The following ZNF556 variants were observed in gnomAD, a reference collection of about 807,000 sequenced individuals.
The protein encoded by ZNF556 is zinc finger protein 556.
ZNF556 carries 11 observed loss-of-function variants against 13.6 expected under a neutral mutation model. That is an observed-to-expected ratio of 0.81 (90% CI 0.51 to 1.33). ZNF556 has a LOEUF of 1.33. Among genes scored for constraint, ZNF556 ranks in the 40% most tolerant of loss-of-function variants. The pLI is 0.00. For synonymous variants in ZNF556, 229 were observed against 207.8 expected, an observed-to-expected ratio of 1.10 and a Z score of -0.88; for missense variants, 633 against 566.2, an observed-to-expected ratio of 1.12 and a Z score of -1.20.
chr19:2,871,965 C>CAG (rs545770349), intron 1 of ZNF556, among the ~76,000 whole-genome samples: 2 of 151,932 alleles, frequency 1.3e-5, no homozygotes, highest in East Asian at 1.9e-4. Flanking sequence ...GCAGCCGAGG[C>CAG]AGAGAGAGAG....
At position 2,876,484 on chromosome 19, in the gene ZNF556, C is replaced by T. The variant is rs559393813; in HGVS notation, c.314+208C>T. 6.6e-5 allele frequency among the ~76,000 whole-genome samples: 10 copies of T among 152,244 alleles called. No individual in the cohort carries two copies. In the South Asian group the frequency reaches 2.1e-3, roughly 32 times the overall value. On this transcript the variant is annotated intron_variant, in intron 3 of 3. Coordinates refer to ENST00000307635, the MANE Select transcript of ZNF556 (RefSeq NM_024967.3). ...CCTGTAATCCCAGCACTTTGGGAGG[C>T]CGAGGGAGGCGGATCACCTGGGGTG...
rs572329309 is a variant in ZNF556 at position 2,879,020 on chromosome 19, T to G, written c.*691T>G. On this transcript the variant is annotated 3_prime_UTR_variant, in exon 4 of 4. Coordinates refer to ENST00000307635, the MANE Select transcript of ZNF556 (RefSeq NM_024967.3). ...CATTAGACCAATGAAATATGGGTGT[T>G]TGTTGACATTTTCTGACTGGCCCTG... is the stretch of plus-strand genomic sequence containing the variant. 1 of 152,280 alleles carries G rather than the reference T, an allele frequency of 6.6e-6. No homozygotes were observed. The highest frequency in any genetic ancestry group is 1.9e-4 in the East Asian group (1 of 5,186). The allele number at this position is 152,280 out of a possible 1,614,324, so 9.4% of individuals were successfully genotyped here.
intron 1 of ZNF556, among the ~76,000 whole-genome samples, chr19:2,867,763 C>G (rs1197089433): frequency 7.0e-6 from 1 of 142,606 alleles, no homozygotes; most frequent in African/African-American, 2.6e-5. Flanking sequence ...GGCGGTGCAA[C>G]AGCCCCAAAG....
At chr19:2,869,568 T>C (rs2087785372) in intron 1 of ZNF556, among the ~76,000 whole-genome samples, 1 of 151,990 alleles carries the variant, frequency 6.6e-6, no homozygotes, top group African/African-American at 2.4e-5. Flanking sequence ...GGGTTTCACC[T>C]TGTCAGCCAG....
At position 2,878,534 on chromosome 19, in the gene ZNF556, G is replaced by A. The variant is rs562854564; in HGVS notation, c.*205G>A. 1.7e-4 allele frequency: 73 copies of A among 427,286 alleles called. No homozygotes were observed. Among genetic ancestry groups the A allele is most frequent in the African/African-American group, 1.4e-3 (67 of 48,958 alleles). 26.5% of individuals were successfully genotyped at this position (427,286 alleles called of 1,614,324 possible). A position where few individuals can be genotyped will look rare whatever the true frequency, so the allele number is the denominator to read the frequency against. ...AAAAAAAAATACAAAAAATTAGCCGGGCGTGGTGGCGGGCACCTGTAGTCC... is the reference window on the plus strand; with the variant it reads ...AAAAAAAAATACAAAAAATTAGCCGAGCGTGGTGGCGGGCACCTGTAGTCC... On this transcript the variant is annotated 3_prime_UTR_variant, in exon 4 of 4. Transcript: ENST00000307635.
chr19:2,872,619 T>C (rs1265222975), intron 1 of ZNF556, among the ~76,000 whole-genome samples: 3 of 152,144 alleles, frequency 2.0e-5, no homozygotes, highest in Non-Finnish European at 2.9e-5. Flanking sequence ...TTTATTATAC[T>C]GGAACAGCTC....
In ZNF556 at chr19:2,867,339, G is replaced by GACC. The variant is rs981429022; in HGVS notation, c.-80_-78dup. The GACC allele has an allele frequency of 1.3e-6, 2 of 1,543,780 alleles. No individual in the cohort carries two copies. The highest frequency in any genetic ancestry group is 2.7e-5 in the African/African-American group (2 of 73,428). ...AGAGCACACCCGGCCTGCCCTGAGT[G>GACC]ACCACAGGTGTCCCCGTCGTGCTCA... is the stretch of plus-strand genomic sequence containing the variant. On this transcript the variant is annotated 5_prime_UTR_variant, in exon 1 of 4. Coordinates refer to ENST00000307635, the MANE Select transcript of ZNF556 (RefSeq NM_024967.3).
intron 1 of ZNF556, among the ~76,000 whole-genome samples, chr19:2,868,025 A>G (rs1423337457): frequency 6.6e-6 from 1 of 152,178 alleles, no homozygotes; most frequent in African/African-American, 2.4e-5. Flanking sequence ...AAGATAAAAT[A>G]TTTCCAAGGA....
In ZNF556 at chr19:2,877,404, G is replaced by T. The variant is rs759381143; in HGVS notation, c.446G>T (p.Cys149Phe). 3 of 1,614,054 alleles carry T rather than the reference G, an allele frequency of 1.9e-6. No individual in the cohort carries two copies. The highest frequency in any genetic ancestry group is 2.5e-6 in the Non-Finnish European group (3 of 1,180,036). ...NCCTSVRRYE[C>F]SQCGKLFTHS... The stretch of plus-strand genomic sequence containing the variant: ...TGTACTAGTGTAAGACGGTACGAAT[G>T]CAGTCAGTGTGGAAAACTCTTCACC... Residue 149 changes from cysteine (C) to phenylalanine (F), a missense_variant, in exon 4 of 4, where the codon TGC becomes TTC. By Grantham distance (205) the Cys-to-Phe change is radical. Transcript: ENST00000307635.
chr19:2,874,758 A>AAAAAGAAAG (rs1555725942), intron 2 of ZNF556, among the ~76,000 whole-genome samples: 58 of 130,780 alleles, frequency 4.4e-4, no homozygotes, highest in Middle Eastern at 3.9e-3. Flanking sequence ...AAAAAAAAAA[A>AAAAAGAAAG]AAAGAAAGAA....
At chr19:2,870,123 C>T (rs1212203218) in intron 1 of ZNF556, among the ~76,000 whole-genome samples, 3 of 152,148 alleles carry the variant, frequency 2.0e-5, no homozygotes, top group Non-Finnish European at 4.4e-5. Context: ...CATCTGAAAG[C>T]TTCTCTTGTC....
At chr19:2,870,122 G>C (rs1268109189) in intron 1 of ZNF556, among the ~76,000 whole-genome samples, 1 of 152,146 alleles carries the variant, frequency 6.6e-6, no homozygotes, top group Non-Finnish European at 1.5e-5. Context: ...ACATCTGAAA[G>C]CTTCTCTTGT....
At chr19:2,875,169 C>G (rs2087840250) in intron 2 of ZNF556, 1 of 152,174 alleles carries the variant, frequency 6.6e-6, no homozygotes. Context: ...TCAGTTTCAT[C>G]TTGAACATAA....
Position 2,868,673 on chromosome 19 carries a change from T to G in ZNF556, c.3+1249T>G, listed in dbSNP as rs955916508. On this transcript the variant is annotated intron_variant, in intron 1 of 3. Transcript: ENST00000307635. ...CTCAGGTGATCCACCCGCCTTGGCC[T>G]CCCAGAATGCTTGGATTACAGGCAG... is the stretch of plus-strand genomic sequence containing the variant. Among the ~76,000 whole-genome samples, 50 of 150,196 alleles carry G rather than the reference T, an allele frequency of 3.3e-4. 1 individual carries two copies. Among genetic ancestry groups the G allele is most frequent in the Non-Finnish European group, 1.2e-4 (8 of 67,818 alleles).
chr19:2,877,519 T>A lies in ZNF556; in HGVS notation c.561T>A (p.Pro187=), dbSNP rs755211015. The change falls in exon 4 of 4, where the codon CCT becomes CCA. Residue 187 remains proline, a synonymous_variant. Coordinates refer to ENST00000307635, the MANE Select transcript of ZNF556 (RefSeq NM_024967.3). ...AATGTGGGAAAGCCTTCAGTCGCCC[T>A]TCCTACCTACAGACGCATGAGAAAA... ...CKECGKAFSR[P]SYLQTHEKTH... The A allele has an allele frequency of 3.7e-6, 6 of 1,614,018 alleles. No individual in the cohort carries two copies. The highest frequency in any genetic ancestry group is 4.2e-6 in the Non-Finnish European group (5 of 1,179,996).
intron 1 of ZNF556, among the ~76,000 whole-genome samples, chr19:2,870,629 C>T (rs1250993669): frequency 6.6e-6 from 1 of 152,060 alleles, no homozygotes; most frequent in Non-Finnish European, 1.5e-5. Flanking sequence ...CGCCTGTAAT[C>T]CCAGCTACTC....
chr19:2,876,281 G>A lies in ZNF556; in HGVS notation c.314+5G>A. 1 of 1,570,110 alleles carries A rather than the reference G, an allele frequency of 6.4e-7. No homozygotes were observed. The highest frequency in any genetic ancestry group is 1.2e-5 in the South Asian group (1 of 83,236). On this transcript the variant is annotated splice_donor_5th_base_variant and intron_variant, in intron 3 of 3. Transcript: ENST00000307635. ...CACCAAGGAGAGACATTTGAGGTGA[G>A]TTGTACTTAGAAGAAAAAGGCAGTA...
At position 2,876,267 on chromosome 19, in the gene ZNF556, G is replaced by C. The variant is rs139421960; in HGVS notation, c.305G>C (p.Arg102Thr). 39 of 1,589,316 alleles carry C rather than the reference G, an allele frequency of 2.5e-5. No homozygotes were observed. Among genetic ancestry groups the C allele is most frequent in the Non-Finnish European group, 2.6e-5 (30 of 1,172,336 alleles). ...SVKDKHNTKE[R>T]HLSRNPRVER... ...AAAGACAAGCACAACACCAAGGAGA[G>C]ACATTTGAGGTGAGTTGTACTTAGA... The change falls in exon 3 of 4, where the codon AGA becomes ACA. Residue 102 changes from arginine to threonine, a missense_variant. Transcript: ENST00000307635.
chr19:2,867,894 G>T (rs942350274), intron 1 of ZNF556, among the ~76,000 whole-genome samples: 3 of 152,232 alleles, frequency 2.0e-5, no homozygotes. Flanking sequence ...CCAAAGGCCC[G>T]CAGGCCGGAC....
Sources: allele counts gnomAD v4.1 joint callset (sites outside exome capture counted in the v4.1 genomes callset), GRCh38; gene constraint gnomAD v4.1.1; transcripts MANE v1.5; gene names NCBI Gene and HGNC (gene_info 2026-07-23, HGNC 2026-07-21).